The following UBE2E2 variants were observed in gnomAD, a reference collection of about 807,000 sequenced individuals.
The protein encoded by UBE2E2 is ubiquitin conjugating enzyme E2 E2.
Under a neutral mutation model 24.7 loss-of-function variants are expected in UBE2E2, and 6 were observed. The ratio of observed to expected loss-of-function variants is 0.24; its 90% CI spans 0.13 to 0.48. The LOEUF (loss-of-function observed/expected upper bound fraction) is 0.48. Among genes scored for constraint, UBE2E2 ranks in the 20% least tolerant of loss-of-function variants. The probability of loss-of-function intolerance (pLI) is 0.99; values close to 1 mark genes in which losing one functional copy is unlikely to be tolerated. For synonymous variants in UBE2E2, 104 were observed against 83.6 expected, an observed-to-expected ratio of 1.24 and a Z score of -1.33; for missense variants, 169 against 245.0, an observed-to-expected ratio of 0.69 and a Z score of 2.07.
At chr3:23,286,086 A>G (rs1387238007) in intron 3 of UBE2E2, among the ~76,000 whole-genome samples, 2 of 152,058 alleles carry the variant, frequency 1.3e-5, no homozygotes, top group Non-Finnish European at 2.9e-5. Flanking sequence ...TCCCTTGTAG[A>G]GTGGATAGTT....
At chr3:23,528,878 C>T (rs1030867291) in intron 4 of UBE2E2, among the ~76,000 whole-genome samples, 1 of 152,162 alleles carries the variant, frequency 6.6e-6, no homozygotes, top group Non-Finnish European at 1.5e-5. Flanking sequence ...TTTCCAGACT[C>T]CTTTTCTCAG....
chr3:23,471,273 A>G (rs1257034836), intron 3 of UBE2E2, among the ~76,000 whole-genome samples: 1 of 152,226 alleles, frequency 6.6e-6, no homozygotes, highest in East Asian at 1.9e-4. Context: ...CAGTAGTGAC[A>G]TTGTTCTTTA....
intron 3 of UBE2E2, among the ~76,000 whole-genome samples, chr3:23,408,845 C>T (rs148052423): frequency 4.5e-4 from 68 of 152,174 alleles, no homozygotes; most frequent in African/African-American, 1.4e-3. Flanking sequence ...TGTTCTTTTG[C>T]CTTACCTTGA....
At chr3:23,338,994 A>G (rs772488883) in intron 3 of UBE2E2, among the ~76,000 whole-genome samples, 1 of 152,184 alleles carries the variant, frequency 6.6e-6, no homozygotes, top group African/African-American at 2.4e-5. Context: ...GATATTTACT[A>G]TAATTATAAA....
chr3:23,206,845 A>C (rs1696160227), intron 1 of UBE2E2, among the ~76,000 whole-genome samples: 1 of 152,156 alleles, frequency 6.6e-6, no homozygotes, highest in South Asian at 2.1e-4. Context: ...GTAATTAAAA[A>C]ATTTTGCTTT....
intron 3 of UBE2E2, among the ~76,000 whole-genome samples, chr3:23,425,347 CT>C (rs1463409274): frequency 6.6e-6 from 1 of 152,080 alleles, no homozygotes; most frequent in East Asian, 1.9e-4. Context: ...GCTCTCTTGT[CT>C]TTTAAAGGGG....
intron 4 of UBE2E2, among the ~76,000 whole-genome samples, chr3:23,512,293 C>T (rs1694616501): frequency 6.6e-6 from 1 of 151,860 alleles, no homozygotes; most frequent in Non-Finnish European, 1.5e-5. Context: ...TCTCAGCTCA[C>T]TGCAGCCTCA....
At chr3:23,320,964 A>G (rs1259090005) in intron 3 of UBE2E2, among the ~76,000 whole-genome samples, 2 of 152,236 alleles carry the variant, frequency 1.3e-5, no homozygotes, top group Non-Finnish European at 2.9e-5. Flanking sequence ...CTGGAAGTCT[A>G]AAATCAAGTG....
chr3:23,321,265 TG>T (rs1694730118), intron 3 of UBE2E2, among the ~76,000 whole-genome samples: 1 of 152,216 alleles, frequency 6.6e-6, no homozygotes, highest in Admixed American at 6.5e-5. Context: ...TCAACTTTTT[TG>T]GGAGGGGCTG....
intron 4 of UBE2E2, among the ~76,000 whole-genome samples, chr3:23,520,872 G>T (rs972575715): frequency 1.3e-5 from 2 of 152,074 alleles, no homozygotes; most frequent in Non-Finnish European, 2.9e-5. Context: ...CAGATTTCTG[G>T]CCTCAAGTGA....
At chr3:23,314,211 C>T (rs1250566368) in intron 3 of UBE2E2, among the ~76,000 whole-genome samples, 1 of 152,136 alleles carries the variant, frequency 6.6e-6, no homozygotes, top group Non-Finnish European at 1.5e-5. Flanking sequence ...TCACTGTGGC[C>T]TTGATTTCCC....
intron 3 of UBE2E2, among the ~76,000 whole-genome samples, chr3:23,455,141 A>G (rs1698649821): frequency 6.6e-6 from 1 of 152,190 alleles, no homozygotes; most frequent in South Asian, 2.1e-4. Flanking sequence ...TGCGAGGTAA[A>G]TAGATGGAGC....
At chr3:23,542,119 C>T (rs1267105100) in intron 5 of UBE2E2, among the ~76,000 whole-genome samples, 3 of 152,192 alleles carry the variant, frequency 2.0e-5, no homozygotes, top group Non-Finnish European at 2.9e-5. Context: ...CCCCGCATCA[C>T]TGGGGCAAAG....
chr3:23,332,712 T>TGC (rs1325368904), intron 3 of UBE2E2, among the ~76,000 whole-genome samples: 1 of 146,522 alleles, frequency 6.8e-6, no homozygotes, highest in Non-Finnish European at 1.5e-5. Context: ...TGTGTGTGTG[T>TGC]GTGTGTGCAG....
chr3:23,295,713 C>T (rs544714946), intron 3 of UBE2E2, among the ~76,000 whole-genome samples: 1 of 152,250 alleles, frequency 6.6e-6, no homozygotes, highest in East Asian at 1.9e-4. Flanking sequence ...GTAGCTTGTA[C>T]GTTGCACAGC....
At chr3:23,241,826 A>G (rs4858065) in intron 3 of UBE2E2, among the ~76,000 whole-genome samples, 41,678 of 152,056 alleles carry the variant, frequency 0.27, 6,151 homozygotes, top group Non-Finnish European at 0.33. Context: ...ATTGATATTT[A>G]TTGGCAACAT....
intron 3 of UBE2E2, among the ~76,000 whole-genome samples, chr3:23,271,730 T>C (rs549293867): frequency 6.6e-6 from 1 of 152,188 alleles, no homozygotes; most frequent in Non-Finnish European, 1.5e-5. Flanking sequence ...AGAGCACTGA[T>C]TGGTGTGTTT....
At chr3:23,587,706 T>G (rs1280725327) in intron 5 of UBE2E2, among the ~76,000 whole-genome samples, 1 of 152,230 alleles carries the variant, frequency 6.6e-6, no homozygotes, top group Non-Finnish European at 1.5e-5. Context: ...GCTACATTTT[T>G]AAAAAAGTAT....
Position 23,515,532 on chromosome 3 carries a change from C to G in UBE2E2, c.360+15792C>G, listed in dbSNP as rs552221232. ...ATACAAGCCCTCCCTCCTCCTTGGACATGGATACCATCTCCTCCTGGCAAT... is the reference window on the plus strand; with the variant it reads ...ATACAAGCCCTCCCTCCTCCTTGGAGATGGATACCATCTCCTCCTGGCAAT... On this transcript the variant is annotated intron_variant, in intron 4 of 5. Transcript: ENST00000396703. 8.0e-3 allele frequency among the ~76,000 whole-genome samples: 1,219 copies of G among 152,260 alleles called. 14 individuals carry two copies. Among genetic ancestry groups the G allele is most frequent in the African/African-American group, 0.027 (1,136 of 41,540 alleles).
Sources: gnomAD v4.1 joint callset for allele counts (sites outside exome capture counted in the v4.1 genomes callset) on GRCh38, gnomAD v4.1.1 for gene constraint, MANE v1.5 for transcripts, NCBI Gene and HGNC (gene_info 2026-07-23, HGNC 2026-07-21) for gene names.